The following DIXDC1 variants were observed in gnomAD, a reference collection of about 807,000 sequenced individuals.
DIXDC1 encodes DIX domain containing 1.
Under a neutral mutation model 103.1 loss-of-function variants are expected in DIXDC1, and 64 were observed. That is an observed-to-expected ratio of 0.62 (90% CI 0.51 to 0.76). The LOEUF is 0.76. DIXDC1 is among the 30% of genes least tolerant of loss of function. The pLI, the probability that DIXDC1 is intolerant of heterozygous loss-of-function variation, is 0.00. For synonymous variants in DIXDC1, 266 were observed against 298.5 expected, an observed-to-expected ratio of 0.89 and a Z score of 1.12; for missense variants, 759 against 834.2, an observed-to-expected ratio of 0.91 and a Z score of 1.11.
chr11:111,990,896 G>A (rs934493952), intron 10 of DIXDC1, among the ~76,000 whole-genome samples: 1 of 151,812 alleles, frequency 6.6e-6, no homozygotes, highest in Admixed American at 6.6e-5. Context: ...TGGTAGAGAC[G>A]GGGTTTCACC....
intron 1 of DIXDC1, among the ~76,000 whole-genome samples, chr11:111,938,258 A>G (rs1592537596): frequency 6.6e-6 from 1 of 152,202 alleles, no homozygotes; most frequent in East Asian, 1.9e-4. Flanking sequence ...TTCTCTTACA[A>G]TTCTGTTTAT....
chr11:111,928,960 C>T (rs587766250), intron 1 of DIXDC1, among the ~76,000 whole-genome samples: 1 of 152,162 alleles, frequency 6.6e-6, no homozygotes, highest in Admixed American at 6.5e-5. Flanking sequence ...GGAGGCCACC[C>T]GAGGTCAGGA....
intron 5 of DIXDC1, among the ~76,000 whole-genome samples, chr11:111,979,156 A>C (rs781939023): frequency 6.6e-6 from 1 of 152,210 alleles, no homozygotes; most frequent in Non-Finnish European, 1.5e-5. Context: ...CTAAGAAGGA[A>C]GAGAATGTAT....
At chr11:111,941,388 C>T (rs1966410246) in intron 1 of DIXDC1, among the ~76,000 whole-genome samples, 1 of 152,128 alleles carries the variant, frequency 6.6e-6, no homozygotes, top group African/African-American at 2.4e-5. Flanking sequence ...TGATGGTTGA[C>T]AGGAAATCAC....
At chr11:111,931,271 C>T (rs992983001) in intron 2 of DIXDC1, among the ~76,000 whole-genome samples, 1 of 151,966 alleles carries the variant, frequency 6.6e-6, no homozygotes, top group South Asian at 2.1e-4. Context: ...CCTGGGAGGT[C>T]GAGGCTGCAG....
rs587716032 is a variant in DIXDC1, at chr11:111,998,186, G to A, written c.1756+2040G>A. ...GAAACTTTCTTCTTCTTCAGTTTCAGTGTCATTCAGATATTCATTTAACAT... is the reference window on the plus strand; with the variant it reads ...GAAACTTTCTTCTTCTTCAGTTTCAATGTCATTCAGATATTCATTTAACAT... On this transcript the variant is annotated intron_variant, in intron 17 of 19. Transcript: ENST00000440460. This position sits in a 1 kb window ranked among gnomAD's most constrained non-coding sequence, Gnocchi z 4.1. 6.6e-6 allele frequency among the ~76,000 whole-genome samples: 1 copy of A among 152,246 alleles called. No homozygotes were observed. The highest frequency in any genetic ancestry group is 6.5e-5 in the Admixed American group (1 of 15,296).
intron 17 of DIXDC1, among the ~76,000 whole-genome samples, chr11:111,997,869 T>C (rs186306642): frequency 8.9e-4 from 136 of 152,318 alleles, no homozygotes; most frequent in Admixed American, 2.4e-3. Context: ...AAATATCTCT[T>C]ATCTGAAAAT....
chr11:111,977,572 G>A lies in DIXDC1; in HGVS notation c.656+2589G>A. The A allele has an allele frequency of 6.7e-7, 1 of 1,493,096 alleles. No homozygotes were observed. Among genetic ancestry groups the A allele is most frequent in the South Asian group, 1.3e-5 (1 of 75,404 alleles). 92.5% of individuals were successfully genotyped at this position (1,493,096 alleles called of 1,614,324 possible). On this transcript the variant is annotated intron_variant, in intron 5 of 19. Transcript: ENST00000440460. This position sits in a 1 kb window ranked among gnomAD's most constrained non-coding sequence, Gnocchi z 6.1. ...AGAGCCTGGAGCATCCCAGTCGCTG[G>A]GGCCGAGACGCCGCCGCCGCCGCCG...
chr11:112,002,627 C>T (rs1728320419), intron 17 of DIXDC1, among the ~76,000 whole-genome samples: 1 of 152,050 alleles, frequency 6.6e-6, no homozygotes, highest in African/African-American at 2.4e-5. Context: ...CTTGTCTCTA[C>T]TAAAAATAAA....
At chr11:111,950,436 ATATTTTTTTTTTTTTTTT>A (rs1452399581) in intron 1 of DIXDC1, among the ~76,000 whole-genome samples, 12 of 20,882 alleles carry the variant, frequency 5.7e-4, no homozygotes, top group African/African-American at 3.1e-3. Flanking sequence ...ATATATATAT[ATATTTTTTTTTTTTTTTT>A]TTTTTTTTTT....
At chr11:112,011,475 A>C (rs182595991) in intron 17 of DIXDC1, among the ~76,000 whole-genome samples, 2 of 152,356 alleles carry the variant, frequency 1.3e-5, no homozygotes, top group Non-Finnish European at 2.9e-5. Flanking sequence ...AGGATTATAA[A>C]TCATGCTACT....
chr11:111,929,265 A>T (rs891251799), intron 1 of DIXDC1, among the ~76,000 whole-genome samples: 1 of 152,248 alleles, frequency 6.6e-6, no homozygotes, highest in African/African-American at 2.4e-5. Flanking sequence ...CCAGTAGCAG[A>T]GCTTCCAGTA....
chr11:111,973,791 C>T (rs1860010722), intron 3 of DIXDC1, among the ~76,000 whole-genome samples: 1 of 152,206 alleles, frequency 6.6e-6, no homozygotes, highest in Admixed American at 6.5e-5. Context: ...TCTACTCTGA[C>T]CTCCCAAAGA....
chr11:111,996,347 C>T, intron 17 of DIXDC1: 3 of 448,016 alleles, frequency 6.7e-6, no homozygotes, highest in Non-Finnish European at 7.9e-6. Context: ...GCCATTTAGC[C>T]ACGTGCAGGC....
intron 1 of DIXDC1, chr11:111,946,752 G>A (rs1177365131): frequency 6.1e-5 from 29 of 477,170 alleles, no homozygotes; most frequent in African/African-American, 2.1e-4. Flanking sequence ...CTGGGCACAC[G>A]CCACATGCAG....
chr11:111,944,704 C>T (rs918786842), intron 1 of DIXDC1, among the ~76,000 whole-genome samples: 2 of 152,148 alleles, frequency 1.3e-5, no homozygotes, highest in East Asian at 1.9e-4. Flanking sequence ...CCGGCCACCT[C>T]GTGGTACTAT....
intron 1 of DIXDC1, among the ~76,000 whole-genome samples, chr11:111,962,210 G>A (rs935092134): frequency 1.5e-4 from 23 of 152,140 alleles, no homozygotes; most frequent in Non-Finnish European, 2.9e-4. Context: ...GGCCGGGTGC[G>A]GTGGCTCATA....
chr11:111,976,910 G>T lies in DIXDC1; in HGVS notation c.656+1927G>T, dbSNP rs1264455639. Reference sequence around the variant, plus strand: ...TGCTCGGCGAATTTTCCTGGGGAGCGTCAGAGTCTCCACCCCGAGGAGCGG... The same window carrying T: ...TGCTCGGCGAATTTTCCTGGGGAGCTTCAGAGTCTCCACCCCGAGGAGCGG... On this transcript the variant is annotated intron_variant, in intron 5 of 19. Coordinates refer to ENST00000440460, the MANE Select transcript of DIXDC1 (RefSeq NM_001037954.4). This position sits in a 1 kb window ranked among gnomAD's most constrained non-coding sequence, Gnocchi z 4.3. 2.0e-5 allele frequency: 3 copies of T among 152,704 alleles called. No individual in the cohort carries two copies. The highest frequency in any genetic ancestry group is 7.2e-5 in the African/African-American group (3 of 41,474). 9.5% of individuals were successfully genotyped at this position (152,704 alleles called of 1,614,324 possible). A position where few individuals can be genotyped will look rare whatever the true frequency, so the allele number is the denominator to read the frequency against.
chr11:112,005,986 C>T (rs1230235139), intron 17 of DIXDC1, among the ~76,000 whole-genome samples: 3 of 152,198 alleles, frequency 2.0e-5, no homozygotes, highest in Non-Finnish European at 4.4e-5. Context: ...AGGGCGTCGC[C>T]TCACCCAGGA....
Sources: gnomAD v4.1 joint callset for allele counts (sites outside exome capture counted in the v4.1 genomes callset) on GRCh38, gnomAD v4.1.1 for gene constraint, Gnocchi (gnomAD v3.1) non-coding constraint, MANE v1.5 for transcripts, NCBI Gene and HGNC (gene_info 2026-07-23, HGNC 2026-07-21) for gene names.